ZC2HC1A: variants seen among roughly 807,000 people sequenced by gnomAD.
ZC2HC1A encodes the protein zinc finger C2HC domain-containing protein 1A.
Under a neutral mutation model 40.7 loss-of-function variants are expected in ZC2HC1A, and 28 were observed. That is an observed-to-expected ratio of 0.69 (90% CI 0.51 to 0.94). ZC2HC1A has a LOEUF of 0.94. Among genes scored for constraint, ZC2HC1A ranks in the 40% least tolerant of loss-of-function variants. The pLI, the probability that ZC2HC1A is intolerant of heterozygous loss-of-function variation, is 0.00. For synonymous variants in ZC2HC1A, 129 were observed against 129.2 expected, an observed-to-expected ratio of 1.00 and a Z score of 0.01; for missense variants, 389 against 386.3, an observed-to-expected ratio of 1.01 and a Z score of -0.06.
intron 7 of ZC2HC1A, among the ~76,000 whole-genome samples, chr8:78,713,156 A>C (rs2130608414): frequency 6.6e-6 from 1 of 152,290 alleles, no homozygotes; most frequent in East Asian, 1.9e-4. Context: ...TGAGCTGTTA[A>C]CAGGTAGATT....
intron 1 of ZC2HC1A, among the ~76,000 whole-genome samples, chr8:78,668,600 T>C (rs1809364542): frequency 6.6e-6 from 1 of 152,210 alleles, no homozygotes; most frequent in Admixed American, 6.5e-5. Context: ...AGGGTCTTTA[T>C]GCTTCTTGAA....
In ZC2HC1A at chr8:78,698,413, G is replaced by C; in HGVS notation, c.605-1G>C. ...TAAAAATAATGCTTTTTTATTATAA[G>C]GTGTTCCTTCAGGTAAAGTGTCTTC... On this transcript the variant is annotated splice_acceptor_variant, in intron 6 of 8. Coordinates refer to ENST00000263849, the MANE Select transcript of ZC2HC1A (RefSeq NM_016010.3). LOFTEE classifies it high-confidence loss of function. 1 of 1,606,598 alleles carries C rather than the reference G, an allele frequency of 6.2e-7. No homozygotes were observed. The highest frequency in any genetic ancestry group is 8.5e-7 in the Non-Finnish European group (1 of 1,176,696).
chr8:78,689,091 G>A, intron 4 of ZC2HC1A, 131 bp from the exon 5 acceptor site: 1 of 541,362 alleles, frequency 1.8e-6, no homozygotes, highest in Non-Finnish European at 2.8e-6. Flanking sequence ...GTAGTTATAA[G>A]GATATGGGAA....
intron 5 of ZC2HC1A, among the ~76,000 whole-genome samples, chr8:78,693,446 T>C (rs1426771318): frequency 4.6e-5 from 7 of 152,222 alleles, no homozygotes; most frequent in African/African-American, 1.7e-4. Flanking sequence ...AGATGGTATC[T>C]CATTGTGGTT....
intron 5 of ZC2HC1A, among the ~76,000 whole-genome samples, chr8:78,696,665 G>A (rs1196366009): frequency 1.3e-5 from 2 of 152,196 alleles, no homozygotes; most frequent in Non-Finnish European, 2.9e-5. Context: ...TTAGGTCAAT[G>A]CATACTCCAT....
chr8:78,713,008 G>C (rs181007433), intron 7 of ZC2HC1A, among the ~76,000 whole-genome samples: 2 of 152,282 alleles, frequency 1.3e-5, no homozygotes, highest in Admixed American at 6.5e-5. Flanking sequence ...CTAGCAGGAA[G>C]AGTTTGTGCT....
chr8:78,713,968 T>C (rs933651383), intron 7 of ZC2HC1A, among the ~76,000 whole-genome samples: 8 of 152,208 alleles, frequency 5.3e-5, no homozygotes, highest in Non-Finnish European at 8.8e-5. Context: ...TACCTGCATG[T>C]ACTTTGGAAG....
chr8:78,718,172 A>C lies in ZC2HC1A; in HGVS notation c.*679A>C, dbSNP rs1194624599. On this transcript the variant is annotated 3_prime_UTR_variant, in exon 9 of 9. Coordinates refer to ENST00000263849, the MANE Select transcript of ZC2HC1A (RefSeq NM_016010.3). ...AATACAAATCTATCTTGTTCTATTT[A>C]TAACTGATTTTTTTTAGTTCTGTAT... The C allele has an allele frequency of 6.6e-6, 1 of 152,030 alleles. No individual in the cohort carries two copies. The highest frequency in any genetic ancestry group is 1.5e-5 in the Non-Finnish European group (1 of 67,902). 9.4% of individuals were successfully genotyped at this position (152,030 alleles called of 1,614,324 possible).
intron 4 of ZC2HC1A, among the ~76,000 whole-genome samples, chr8:78,687,513 T>C (rs1810031287): frequency 7.0e-6 from 1 of 142,666 alleles, no homozygotes; most frequent in Admixed American, 7.1e-5. Context: ...AAATTATATA[T>C]ATTTATATAA....
At chr8:78,666,791 T>C (rs558919770) in intron 1 of ZC2HC1A, among the ~76,000 whole-genome samples, 1 of 152,320 alleles carries the variant, frequency 6.6e-6, no homozygotes, top group East Asian at 1.9e-4. Flanking sequence ...AGAGCCTGTA[T>C]TGGTTCCTTA....
At chr8:78,682,246 A>G (rs1208483287) in intron 3 of ZC2HC1A, among the ~76,000 whole-genome samples, 3 of 152,146 alleles carry the variant, frequency 2.0e-5, no homozygotes, top group African/African-American at 7.2e-5. Flanking sequence ...TGTAACCAAT[A>G]CCATAAGTGC....
At chr8:78,678,805 A>G in intron 3 of ZC2HC1A, 126 bp downstream of exon 3, 1 of 551,800 alleles carries the variant, frequency 1.8e-6, no homozygotes, top group Non-Finnish European at 3.0e-6. Context: ...TAAAGAATAA[A>G]TACAATTCTG....
intron 3 of ZC2HC1A, among the ~76,000 whole-genome samples, chr8:78,680,064 T>A (rs1289478634): frequency 6.6e-6 from 1 of 152,110 alleles, no homozygotes; most frequent in Non-Finnish European, 1.5e-5. Flanking sequence ...AGTTATTTAA[T>A]GTAATTATGC....
chr8:78,716,357 T>C (rs1481798866), intron 8 of ZC2HC1A, among the ~76,000 whole-genome samples: 1 of 151,882 alleles, frequency 6.6e-6, no homozygotes, highest in Non-Finnish European at 1.5e-5. Flanking sequence ...TCTCCTGACC[T>C]CATGATCCAC....
At chr8:78,679,040 C>T (rs1809676344) in intron 3 of ZC2HC1A, 2 of 154,710 alleles carry the variant, frequency 1.3e-5, no homozygotes, top group African/African-American at 4.8e-5. Flanking sequence ...TCATCTTCTA[C>T]CATTATGATA....
intron 7 of ZC2HC1A, among the ~76,000 whole-genome samples, chr8:78,707,855 C>CT (rs34584205): frequency 3.6e-4 from 52 of 143,388 alleles, no homozygotes; most frequent in African/African-American, 9.2e-4. Flanking sequence ...CTTTTTTTTT[C>CT]TTTTTTTTTT....
intron 2 of ZC2HC1A, among the ~76,000 whole-genome samples, chr8:78,677,195 A>G (rs1265662923): frequency 6.6e-6 from 1 of 152,136 alleles, no homozygotes; most frequent in African/African-American, 2.4e-5. Flanking sequence ...ATACAAAAGA[A>G]AAAAGAGTAT....
chr8:78,693,198 T>G (rs1207492645), intron 5 of ZC2HC1A, among the ~76,000 whole-genome samples: 2 of 152,130 alleles, frequency 1.3e-5, no homozygotes, highest in South Asian at 2.1e-4. Flanking sequence ...ACATACGTGT[T>G]TATGTGTCTT....
At chr8:78,705,814 T>G (rs1169248839) in intron 7 of ZC2HC1A, among the ~76,000 whole-genome samples, 2 of 151,870 alleles carry the variant, frequency 1.3e-5, no homozygotes, top group African/African-American at 4.8e-5. Flanking sequence ...TTCTTTCCAG[T>G]GAGGAGGGGC....
Sources: gnomAD v4.1 joint callset for allele counts (sites outside exome capture counted in the v4.1 genomes callset) on GRCh38, gnomAD v4.1.1 for gene constraint, MANE v1.5 for transcripts, NCBI Gene and HGNC (gene_info 2026-07-23, HGNC 2026-07-21) for gene names.